IGF1R: variants seen among roughly 807,000 people sequenced by gnomAD.
IGF1R encodes the protein insulin-like growth factor 1 receptor.
In IGF1R, 44 loss-of-function variants were observed where a neutral mutation model predicts 144.6. The ratio of observed to expected loss-of-function variants is 0.30; its 90% CI spans 0.24 to 0.39. IGF1R has a LOEUF of 0.39. Among genes scored for constraint, IGF1R ranks in the 10% least tolerant of loss-of-function variants. The probability of loss-of-function intolerance (pLI) is 1.00; values close to 1 mark genes in which losing one functional copy is unlikely to be tolerated. For missense variants in IGF1R, 1,355 were observed against 1,833.7 expected (o/e 0.74, Z 4.77); for synonymous variants, 795 against 722.8 (o/e 1.10, Z -1.60).
intron 2 of IGF1R, among the ~76,000 whole-genome samples, chr15:98,853,681 T>C (rs2011636365): frequency 1.3e-5 from 2 of 152,162 alleles, no homozygotes; most frequent in Admixed American, 6.5e-5. Context: ...TCTGAATTGC[T>C]TTTTGGTTTG....
intron 2 of IGF1R, among the ~76,000 whole-genome samples, chr15:98,849,231 T>C (rs2011454204): frequency 1.3e-5 from 2 of 152,232 alleles, no homozygotes; most frequent in Admixed American, 6.5e-5. Context: ...CAAATGTAGA[T>C]GCAAGTACCT....
chr15:98,703,420 G>C (rs1380162543), intron 1 of IGF1R, among the ~76,000 whole-genome samples: 1 of 152,070 alleles, frequency 6.6e-6, no homozygotes, highest in Non-Finnish European at 1.5e-5. Flanking sequence ...CCTGAACGCT[G>C]CTATCATTCA....
At chr15:98,864,256 A>G (rs1431617068) in intron 2 of IGF1R, among the ~76,000 whole-genome samples, 1 of 152,220 alleles carries the variant, frequency 6.6e-6, no homozygotes, top group Non-Finnish European at 1.5e-5. Flanking sequence ...CACTGTCTCA[A>G]ATAAATAGGC....
chr15:98,764,848 G>C (rs963231614), intron 2 of IGF1R, among the ~76,000 whole-genome samples: 5 of 152,022 alleles, frequency 3.3e-5, no homozygotes, highest in African/African-American at 4.8e-5. Flanking sequence ...ATTTAAAGGT[G>C]AACAACTCAG....
At chr15:98,720,481 A>T (rs907057827) in intron 2 of IGF1R, among the ~76,000 whole-genome samples, 8 of 152,154 alleles carry the variant, frequency 5.3e-5, no homozygotes, top group Admixed American at 5.2e-4. Context: ...AAGCAGTCGA[A>T]CTTTTTAGGA....
intron 2 of IGF1R, among the ~76,000 whole-genome samples, chr15:98,714,853 A>T (rs1596224635): frequency 1.3e-5 from 2 of 150,256 alleles, no homozygotes; most frequent in South Asian, 4.2e-4. Context: ...AAGAGCTGAG[A>T]TGTTTCTGTT....
At chr15:98,876,377 T>A (rs1390685676) in intron 2 of IGF1R, among the ~76,000 whole-genome samples, 1 of 151,416 alleles carries the variant, frequency 6.6e-6, no homozygotes, top group Non-Finnish European at 1.5e-5. Flanking sequence ...TTTTATAAAG[T>A]GTGGGGTCAG....
At chr15:98,930,551 A>G (rs1442120576) in intron 15 of IGF1R, among the ~76,000 whole-genome samples, 4 of 152,032 alleles carry the variant, frequency 2.6e-5, no homozygotes, top group Admixed American at 6.5e-5. Context: ...GGCTTTAGAG[A>G]TGAATGTGGC....
chr15:98,889,764 G>C (rs1457544434), intron 2 of IGF1R, among the ~76,000 whole-genome samples: 1 of 152,078 alleles, frequency 6.6e-6, no homozygotes, highest in African/African-American at 2.4e-5. Flanking sequence ...CTCTTTACTT[G>C]TTTGTGATCT....
chr15:98,808,084 T>C (rs540002308), intron 2 of IGF1R, among the ~76,000 whole-genome samples: 1 of 152,288 alleles, frequency 6.6e-6, no homozygotes, highest in South Asian at 2.1e-4. Context: ...TTGGGAATTG[T>C]TTGGGAAAGG....
chr15:98,779,898 C>T (rs968154724), intron 2 of IGF1R, among the ~76,000 whole-genome samples: 12 of 152,236 alleles, frequency 7.9e-5, no homozygotes, highest in Admixed American at 1.3e-4. Context: ...CCTCCAGGCT[C>T]GGAGGGCAAG....
chr15:98,941,774 G>A (rs921241548), intron 18 of IGF1R, among the ~76,000 whole-genome samples: 3 of 152,188 alleles, frequency 2.0e-5, no homozygotes, highest in African/African-American at 7.2e-5. Flanking sequence ...TGTTCTCTTT[G>A]TGTTTGCTTT....
chr15:98,801,604 A>G (rs1325177524), intron 2 of IGF1R, among the ~76,000 whole-genome samples: 1 of 152,200 alleles, frequency 6.6e-6, no homozygotes, highest in Non-Finnish European at 1.5e-5. Flanking sequence ...CCACCCTCAA[A>G]CAATGATTTC....
At chr15:98,660,068 T>C (rs1381934966) in intron 1 of IGF1R, 5 of 152,266 alleles carry the variant, frequency 3.3e-5, no homozygotes, top group Non-Finnish European at 4.4e-5. Flanking sequence ...TATTCAGTTT[T>C]ACGTGTCAAA....
chr15:98,888,717 A>G (rs1183454794), intron 2 of IGF1R, among the ~76,000 whole-genome samples: 1 of 152,126 alleles, frequency 6.6e-6, no homozygotes, highest in Non-Finnish European at 1.5e-5. Context: ...TTTCTTCTTC[A>G]CTTTAGAGAT....
chr15:98,792,648 T>C (rs746586264), intron 2 of IGF1R, among the ~76,000 whole-genome samples: 1 of 152,216 alleles, frequency 6.6e-6, no homozygotes, highest in Non-Finnish European at 1.5e-5. Flanking sequence ...AACTTCAGTC[T>C]TTTAAAAATG....
intron 2 of IGF1R, among the ~76,000 whole-genome samples, chr15:98,709,387 T>C (rs1344689916): frequency 6.6e-6 from 1 of 152,152 alleles, no homozygotes; most frequent in Non-Finnish European, 1.5e-5. Flanking sequence ...ATGTGAACAT[T>C]GATTAGTGAG....
intron 2 of IGF1R, among the ~76,000 whole-genome samples, chr15:98,820,347 A>G (rs1192279975): frequency 2.0e-5 from 3 of 152,222 alleles, no homozygotes; most frequent in Admixed American, 6.5e-5. Flanking sequence ...AAAGAGTCAT[A>G]TTTTTTAAGC....
intron 10 of IGF1R, among the ~76,000 whole-genome samples, chr15:98,920,970 C>T (rs915012683): frequency 6.6e-6 from 1 of 152,302 alleles, no homozygotes; most frequent in South Asian, 2.1e-4. Context: ...TGGGCTGTTC[C>T]GTTCCCTGCG....
Sources: gnomAD v4.1 joint callset for allele counts (sites outside exome capture counted in the v4.1 genomes callset) on GRCh38, gnomAD v4.1.1 for gene constraint, MANE v1.5 for transcripts, NCBI Gene and HGNC (gene_info 2026-07-23, HGNC 2026-07-21) for gene names.